Variants in SUGCT observed in about 807,000 individuals in gnomAD.
SUGCT encodes succinyl-CoA:glutarate-CoA transferase, also known as succinyl-CoA:glutarate CoA-transferase.
SUGCT carries 41 observed loss-of-function variants against 55.0 expected under a neutral mutation model. That is an observed-to-expected ratio of 0.74 (90% CI 0.58 to 0.97). The LOEUF (loss-of-function observed/expected upper bound fraction) is 0.97, where lower values mean the gene tolerates loss of function less well. SUGCT is among the 50% of genes least tolerant of loss of function. The probability of loss-of-function intolerance (pLI) is 0.00; values close to 1 mark genes in which losing one functional copy is unlikely to be tolerated. For synonymous variants in SUGCT, 187 were observed against 200.4 expected (o/e 0.93, Z 0.56); for missense variants, 568 against 547.8 (o/e 1.04, Z -0.37).
At chr7:40,805,740 AG>A (rs1449208125) in intron 13 of SUGCT, among the ~76,000 whole-genome samples, 1 of 152,224 alleles carries the variant, frequency 6.6e-6, no homozygotes, top group Non-Finnish European at 1.5e-5. Context: ...TGTGGCCATG[AG>A]GGTATGACAA....
intron 7 of SUGCT, among the ~76,000 whole-genome samples, chr7:40,272,606 A>C (rs12538240): frequency 6.6e-6 from 1 of 150,402 alleles, no homozygotes; most frequent in African/African-American, 2.4e-5. Context: ...TCTTTCTTGG[A>C]TATCTACCCA....
In SUGCT at chr7:40,649,401, T is replaced by TG. The variant is rs200049759; in HGVS notation, c.1090-100025dup. 3.6e-3 allele frequency among the ~76,000 whole-genome samples: 550 copies of TG among 151,670 alleles called. 6 individuals carry two copies. Among genetic ancestry groups the TG allele is most frequent in the East Asian group, 0.031 (161 of 5,154 alleles). On this transcript the variant is annotated intron_variant, in intron 12 of 13. Transcript: ENST00000335693. ...ACATGTCACACCTCTGCTTTACAGA[T>TG]GGGGGGGGAAGGATTGAGAGATTAT...
chr7:40,983,297 T>C, the SUGCT span, among the ~76,000 whole-genome samples: 7 of 152,298 alleles, frequency 4.6e-5, no homozygotes, highest in South Asian at 1.5e-3. Flanking sequence ...ATCATTCCCT[T>C]GCTACCCTCA....
chr7:40,326,060 A>C (rs549413904), intron 9 of SUGCT, among the ~76,000 whole-genome samples: 1 of 152,044 alleles, frequency 6.6e-6, no homozygotes, highest in Non-Finnish European at 1.5e-5. Context: ...GGGCAAGTGT[A>C]GGTTTCCCCC....
chr7:40,185,451 T>A (rs1274345285), intron 3 of SUGCT, among the ~76,000 whole-genome samples: 1 of 152,198 alleles, frequency 6.6e-6, no homozygotes, highest in Non-Finnish European at 1.5e-5. Flanking sequence ...AACAGATCTT[T>A]CTTTGTCTAG....
At chr7:40,982,758 T>C in the SUGCT span, among the ~76,000 whole-genome samples, 1 of 152,108 alleles carries the variant, frequency 6.6e-6, no homozygotes, top group Non-Finnish European at 1.5e-5. Context: ...ATTGATCCTC[T>C]CATCTCAGCC....
intron 12 of SUGCT, among the ~76,000 whole-genome samples, chr7:40,519,792 T>C (rs1793430200): frequency 6.6e-6 from 1 of 152,066 alleles, no homozygotes; most frequent in African/African-American, 2.4e-5. Context: ...TTCCTTCCAG[T>C]AGGAGAAACC....
chr7:40,931,129 G>T, the SUGCT span, among the ~76,000 whole-genome samples: 12 of 152,184 alleles, frequency 7.9e-5, no homozygotes, highest in African/African-American at 2.9e-4. Context: ...TTTTTAGCAT[G>T]AAGGGCAGTT....
At chr7:40,502,312 A>C (rs1792324259) in intron 12 of SUGCT, among the ~76,000 whole-genome samples, 1 of 152,086 alleles carries the variant, frequency 6.6e-6, no homozygotes, top group Non-Finnish European at 1.5e-5. Context: ...TGTGTAAAAA[A>C]TTAAAATCAA....
intron 11 of SUGCT, among the ~76,000 whole-genome samples, chr7:40,495,543 T>C (rs192956465): frequency 1.3e-5 from 2 of 152,364 alleles, no homozygotes; most frequent in East Asian, 3.9e-4. Context: ...TCCAAGATTT[T>C]ATTTCTGTGT....
At chr7:40,636,967 AAGG>A (rs2151818108) in intron 12 of SUGCT, among the ~76,000 whole-genome samples, 1 of 152,278 alleles carries the variant, frequency 6.6e-6, no homozygotes, top group Non-Finnish European at 1.5e-5. Context: ...TTACTAGTGA[AAGG>A]AGTGGTGACT....
chr7:40,872,683 G>A, the SUGCT span, among the ~76,000 whole-genome samples: 1 of 152,202 alleles, frequency 6.6e-6, no homozygotes, highest in Non-Finnish European at 1.5e-5. Context: ...AATGGAATAA[G>A]TGTAGAGAAA....
chr7:40,965,688 A>G, the SUGCT span: 1 of 152,242 alleles, frequency 6.6e-6, no homozygotes, highest in African/African-American at 2.4e-5. Context: ...TTTAAGTTTC[A>G]GAGATTTGGT....
chr7:40,717,920 TCTCCTC>T (rs1372096426), intron 12 of SUGCT, among the ~76,000 whole-genome samples: 1 of 151,992 alleles, frequency 6.6e-6, no homozygotes, highest in Non-Finnish European at 1.5e-5. Context: ...AGAAGTATAT[TCTCCTC>T]TTCTTCTTTA....
At chr7:40,186,935 A>G (rs1403354684) in intron 3 of SUGCT, among the ~76,000 whole-genome samples, 1 of 152,198 alleles carries the variant, frequency 6.6e-6, no homozygotes, top group African/African-American at 2.4e-5. Context: ...AGATTTCCAG[A>G]TTTTGAAATC....
chr7:40,723,117 G>A (rs78632363), intron 12 of SUGCT, among the ~76,000 whole-genome samples: 3,042 of 152,172 alleles, frequency 0.02, 100 homozygotes, highest in African/African-American at 0.07. Context: ...TTGTGAAACT[G>A]GAGGTCATAC....
intron 8 of SUGCT, among the ~76,000 whole-genome samples, chr7:40,283,952 A>G (rs943871488): frequency 2.6e-5 from 4 of 152,228 alleles, no homozygotes; most frequent in African/African-American, 4.8e-5. Flanking sequence ...TATATATGCA[A>G]TGTAATTTGG....
chr7:40,233,204 A>G (rs1325387235), intron 6 of SUGCT, among the ~76,000 whole-genome samples: 2 of 151,782 alleles, frequency 1.3e-5, no homozygotes, highest in East Asian at 3.9e-4. Flanking sequence ...ATTATGGAAT[A>G]TATATGTTTA....
At chr7:40,553,926 A>G (rs1157299071) in intron 12 of SUGCT, among the ~76,000 whole-genome samples, 1 of 152,220 alleles carries the variant, frequency 6.6e-6, no homozygotes, top group Non-Finnish European at 1.5e-5. Flanking sequence ...TTCGTGTTTC[A>G]TGTTCCTCAC....
Sources: gnomAD v4.1 joint callset for allele counts (sites outside exome capture counted in the v4.1 genomes callset) on GRCh38, gnomAD v4.1.1 for gene constraint, MANE v1.5 for transcripts, NCBI Gene and HGNC (gene_info 2026-07-23, HGNC 2026-07-21) for gene names.